The following ERC2 variants were observed in gnomAD, a reference collection of about 807,000 sequenced individuals.
ERC2 encodes the protein ERC protein 2.
In ERC2, 42 loss-of-function variants were observed where a neutral mutation model predicts 114.8. The observed-to-expected ratio is 0.37, with a 90% CI of 0.29 to 0.47. The LOEUF is 0.47. ERC2 is among the 20% of genes least tolerant of loss of function. ERC2 has a pLI of 0.99. For missense variants in ERC2, 939 were observed against 1,150.7 expected (o/e 0.82, Z 2.66); for synonymous variants, 454 against 425.5 (o/e 1.07, Z -0.82).
chr3:55,627,953 T>A (rs2059588149), intron 17 of ERC2, among the ~76,000 whole-genome samples: 1 of 151,590 alleles, frequency 6.6e-6, no homozygotes, highest in Non-Finnish European at 1.5e-5. Context: ...TTAGTCCTTT[T>A]AGTGGTTACT....
chr3:56,466,645 G>A (rs141743280), intron 1 of ERC2, among the ~76,000 whole-genome samples: 1 of 152,270 alleles, frequency 6.6e-6, no homozygotes, highest in Non-Finnish European at 1.5e-5. Flanking sequence ...GAACAAGGCA[G>A]CCCTCACTTC....
intron 14 of ERC2, among the ~76,000 whole-genome samples, chr3:55,773,307 C>T (rs1331803584): frequency 6.6e-6 from 1 of 152,198 alleles, no homozygotes; most frequent in Non-Finnish European, 1.5e-5. Flanking sequence ...TCTTCCCTCT[C>T]GGACATGCAC....
intron 3 of ERC2, among the ~76,000 whole-genome samples, chr3:56,245,880 C>T (rs2051661320): frequency 6.6e-6 from 1 of 152,052 alleles, no homozygotes; most frequent in African/African-American, 2.4e-5. Flanking sequence ...TCCTTCCCTA[C>T]CTGAATGCTC....
At chr3:56,094,292 G>A (rs2077942491) in intron 6 of ERC2, among the ~76,000 whole-genome samples, 1 of 152,166 alleles carries the variant, frequency 6.6e-6, no homozygotes, top group Non-Finnish European at 1.5e-5. Flanking sequence ...TGCCCTCTGT[G>A]GCTAACACTG....
At chr3:56,379,346 T>C (rs905693157) in intron 2 of ERC2, among the ~76,000 whole-genome samples, 1 of 152,048 alleles carries the variant, frequency 6.6e-6, no homozygotes, top group Non-Finnish European at 1.5e-5. Context: ...CATATAGAGA[T>C]GAAAAAAAAC....
At chr3:56,186,767 G>A (rs2083649483) in intron 3 of ERC2, among the ~76,000 whole-genome samples, 1 of 152,110 alleles carries the variant, frequency 6.6e-6, no homozygotes, top group African/African-American at 2.4e-5. Flanking sequence ...ATGAACTCTT[G>A]ACCTCAGATG....
intron 4 of ERC2, among the ~76,000 whole-genome samples, chr3:56,150,259 T>G (rs1472273477): frequency 6.6e-6 from 1 of 152,242 alleles, no homozygotes; most frequent in African/African-American, 2.4e-5. Flanking sequence ...GTAACTCATT[T>G]TTAAAAACCT....
intron 3 of ERC2, among the ~76,000 whole-genome samples, chr3:56,261,645 T>C (rs1469485936): frequency 3.3e-5 from 5 of 152,228 alleles, no homozygotes; most frequent in Non-Finnish European, 5.9e-5. Context: ...TGCCACTTCC[T>C]ACAGGGAGCC....
At position 56,179,207 on chromosome 3, in the gene ERC2, G is replaced by C. The variant is rs537116375; in HGVS notation, c.1075-5687C>G. On this transcript the variant is annotated intron_variant, in intron 3 of 17. Coordinates refer to ENST00000288221, the MANE Select transcript of ERC2 (RefSeq NM_015576.3). ...TCATCTAACGGAAACGAGGGAACAA[G>C]CTGTGTAGATATTCCAGGCAGAGAG... 9.8e-5 allele frequency among the ~76,000 whole-genome samples: 15 copies of C among 152,286 alleles called. No individual in the cohort carries two copies. The South Asian group carries it at 3.1e-3, about 32-fold the overall frequency.
At chr3:56,434,194 A>G (rs2061917401) in intron 2 of ERC2, 157 bp downstream of exon 2, 3 of 638,600 alleles carry the variant, frequency 4.7e-6, no homozygotes, top group Non-Finnish European at 8.1e-6. Flanking sequence ...TATATTTCCT[A>G]TGCTCTCTCA....
intron 2 of ERC2, among the ~76,000 whole-genome samples, chr3:56,349,888 G>A (rs1271558695): frequency 6.6e-6 from 1 of 151,312 alleles, no homozygotes; most frequent in Admixed American, 6.6e-5. Flanking sequence ...ACTCCAGCCT[G>A]GGCGAGACAG....
intron 2 of ERC2, chr3:56,434,142 G>T: frequency 1.8e-6 from 1 of 550,162 alleles, no homozygotes. Flanking sequence ...GCAACCATGT[G>T]AAAAGGTTAT....
chr3:55,603,021 G>C (rs1294896308), intron 17 of ERC2, among the ~76,000 whole-genome samples: 1 of 152,068 alleles, frequency 6.6e-6, no homozygotes, highest in Non-Finnish European at 1.5e-5. Flanking sequence ...AATAAGAAGG[G>C]CTCCCTCATA....
chr3:55,522,405 C>T (rs1348274252), intron 17 of ERC2, among the ~76,000 whole-genome samples: 2 of 148,180 alleles, frequency 1.3e-5, no homozygotes, highest in East Asian at 1.9e-4. Flanking sequence ...GATACAAAGG[C>T]AGATTCAGTC....
chr3:56,186,143 A>AAAAAAG, intron 3 of ERC2, among the ~76,000 whole-genome samples: 1 of 137,352 alleles, frequency 7.3e-6, no homozygotes, highest in Non-Finnish European at 1.6e-5. Context: ...AAAAAAAAAA[A>AAAAAAG]AGAGCACAGC....
chr3:55,689,605 G>C (rs889898960), intron 16 of ERC2, among the ~76,000 whole-genome samples: 1 of 152,010 alleles, frequency 6.6e-6, no homozygotes, highest in African/African-American at 2.4e-5. Flanking sequence ...CATGACTCTG[G>C]TTCTGCCATT....
rs572398103 is a variant in ERC2 at position 55,713,993 on chromosome 3, C to A, written c.2713-14481G>T. ...GTTAGCATTACTTAATCTTCAGGAA[C>A]AAATAAATCTTAGTGATTGCTGATT... On this transcript the variant is annotated intron_variant, in intron 15 of 17. Transcript: ENST00000288221. 2.0e-5 allele frequency among the ~76,000 whole-genome samples: 3 copies of A among 152,294 alleles called. No individual in the cohort carries two copies. In the South Asian group the frequency reaches 6.2e-4, roughly 32 times the overall value.
At chr3:55,675,899 CTTTCTTTTTTTTT>C (rs2061773318) in intron 17 of ERC2, among the ~76,000 whole-genome samples, 2 of 58,122 alleles carry the variant, frequency 3.4e-5, no homozygotes, top group African/African-American at 1.4e-4. Flanking sequence ...TTTCTCTTTT[CTTTCTTTTTTTTT>C]TTTTTTTTTT....
At chr3:56,317,172 A>T (rs2056905199) in intron 2 of ERC2, among the ~76,000 whole-genome samples, 1 of 152,234 alleles carries the variant, frequency 6.6e-6, no homozygotes, top group African/African-American at 2.4e-5. Flanking sequence ...GGGAGGCATC[A>T]ATCTGGTTTG....
Sources: gnomAD v4.1 joint callset for allele counts (sites outside exome capture counted in the v4.1 genomes callset) on GRCh38, gnomAD v4.1.1 for gene constraint, MANE v1.5 for transcripts, NCBI Gene and HGNC (gene_info 2026-07-23, HGNC 2026-07-21) for gene names.